Variants in PLAGL1 observed in about 807,000 individuals in gnomAD.
PLAGL1 encodes the protein PLAG1 like zinc finger 1, also known as zinc finger protein PLAGL1.
A neutral mutation model predicts 4.6 loss-of-function variants in PLAGL1; 1 was observed. The observed-to-expected ratio is 0.22, with a 90% confidence interval of 0.08 to 1.03. The LOEUF (loss-of-function observed/expected upper bound fraction) is 1.03. Ranked by LOEUF, PLAGL1 falls within the 50% of genes least tolerant of loss-of-function variation. PLAGL1 has a pLI of 0.58. For synonymous variants in PLAGL1, 240 were observed against 237.8 expected (o/e 1.01, Z -0.08); for missense variants, 464 against 570.4 (o/e 0.81, Z 1.90).
intron 2 of PLAGL1, among the ~76,000 whole-genome samples, chr6:143,976,818 T>C (rs1221265848): frequency 6.6e-6 from 1 of 152,168 alleles, no homozygotes; most frequent in African/African-American, 2.4e-5. Flanking sequence ...TGTTCAGACA[T>C]TTTGAAGATG....
At chr6:144,012,747 C>T (rs577606696), upstream of PLAGL1, among the ~76,000 whole-genome samples, 23 of 152,294 alleles carry the variant, frequency 1.5e-4, no homozygotes, top group South Asian at 3.5e-3. This position sits in a 1 kb window ranked among gnomAD's most constrained non-coding sequence, Gnocchi z 4.8. Context: ...CCCTCAATGA[C>T]GCATGCTTTG....
chr6:144,042,923 T>C (rs1424039350), intron 1 of PLAGL1, among the ~76,000 whole-genome samples: 1 of 152,198 alleles, frequency 6.6e-6, no homozygotes, highest in African/African-American at 2.4e-5. Flanking sequence ...GGTATTTTAT[T>C]CTTTTTGTAG....
At chr6:144,057,796 T>TA (rs1491425292) in intron 1 of PLAGL1, among the ~76,000 whole-genome samples, 3 of 134,192 alleles carry the variant, frequency 2.2e-5, no homozygotes, top group East Asian at 2.2e-4. Context: ...TTTTTTTTTT[T>TA]ACCTCTACAT....
chr6:144,001,303 A>G (rs1279313844), intron 1 of PLAGL1, among the ~76,000 whole-genome samples: 1 of 152,172 alleles, frequency 6.6e-6, no homozygotes, highest in Non-Finnish European at 1.5e-5. Flanking sequence ...AATAGCTCAA[A>G]GACTAAATAA....
intron 1 of PLAGL1, among the ~76,000 whole-genome samples, chr6:144,021,358 C>A (rs1313685545): frequency 6.6e-6 from 1 of 152,116 alleles, no homozygotes; most frequent in Non-Finnish European, 1.5e-5. Flanking sequence ...ACATTAACAT[C>A]TTTTTCAAAA....
At position 143,985,981 on chromosome 6, in the gene PLAGL1, A is replaced by ATT. The variant is rs1491207033; in HGVS notation, c.-583-809_-583-808dup. Among the ~76,000 whole-genome samples the ATT allele has an allele frequency of 4.5e-5, 2 of 44,200 alleles. No homozygotes were observed. Among genetic ancestry groups the ATT allele is most frequent in the East Asian group, 1.3e-3 (1 of 742 alleles). The allele number at this position is 44,200 out of a possible 152,430, so 29.0% of individuals were successfully genotyped here. On this transcript the variant is annotated intron_variant, in intron 1 of 7. Transcript: ENST00000674357. This position sits in a 1 kb window ranked among gnomAD's most constrained non-coding sequence, Gnocchi z 4.4. ...ATATATCAAATTATATATATATAAA[A>ATT]TTATATATATATATATATATATATA... is the stretch of plus-strand genomic sequence containing the variant.
At position 143,941,287 on chromosome 6, in the gene PLAGL1, TATC is replaced by T. The variant is rs552001777; in HGVS notation, c.*134_*136del. 3.7e-5 allele frequency: 23 copies of T among 618,150 alleles called. 1 individual carries two copies. The East Asian group carries it at 5.9e-4, about 16-fold the overall frequency. The allele number at this position is 618,150 out of a possible 1,614,324, so 38.3% of individuals were successfully genotyped here. On this transcript the variant is annotated 3_prime_UTR_variant, in exon 8 of 8. Coordinates refer to ENST00000674357, the MANE Select transcript of PLAGL1 (RefSeq NM_001317162.2). The surrounding 1 kb of genome is among the most constrained non-coding windows in gnomAD (Gnocchi z 6.0). The stretch of plus-strand genomic sequence containing the variant: ...AATACATGCAGTTCGAGAATTCTCT[TATC>T]ATCTCAAGCCAGTCATCACTGAATA...
upstream of PLAGL1, among the ~76,000 whole-genome samples, chr6:144,011,315 G>T (rs1795171268): frequency 6.6e-6 from 1 of 152,180 alleles, no homozygotes; most frequent in South Asian, 2.1e-4. The surrounding 1 kb of genome is among the most constrained non-coding windows in gnomAD (Gnocchi z 4.3). Context: ...CTTCTCAAAA[G>T]AAGACATTTA....
chr6:144,007,322 T>C (rs965620075), intron 1 of PLAGL1: 1 of 152,004 alleles, frequency 6.6e-6, no homozygotes. Flanking sequence ...GACCAGGACC[T>C]CAGTGAGGCC....
At position 144,042,029 on chromosome 6, in the gene PLAGL1, TG is replaced by T. The variant is rs558706662; in HGVS notation, c.-151+22438del. Among the ~76,000 whole-genome samples the T allele has an allele frequency of 6.8e-3, 1,032 of 152,334 alleles. 9 individuals are homozygous for T. Among genetic ancestry groups the T allele is most frequent in the South Asian group, 0.025 (121 of 4,828 alleles). ...TCCTTTGCCCACTTTTTGATGGGGT[TG>T]TTTTTTTCTTGTAAATTTGAGTTCT... On this transcript the variant is annotated intron_variant, in intron 1 of 3. Transcript: ENST00000437412.
chr6:143,978,891 T>C lies in PLAGL1; in HGVS notation c.-544+6244A>G, dbSNP rs1431828044. 6.6e-6 allele frequency among the ~76,000 whole-genome samples: 1 copy of C among 152,166 alleles called. No homozygotes were observed. The highest frequency in any genetic ancestry group is 1.5e-5 in the Non-Finnish European group (1 of 68,006). ...TTCCAACTACTTGATCTATTATCTA[T>C]TGAAGGAAGGGTGCTGAAATCTGAC... On this transcript the variant is annotated intron_variant, in intron 2 of 7. Coordinates refer to ENST00000674357, the MANE Select transcript of PLAGL1 (RefSeq NM_001317162.2). The surrounding 1 kb of genome is among the most constrained non-coding windows in gnomAD (Gnocchi z 4.6).
rs549510145 is a variant in PLAGL1, at chr6:144,050,861, C to T, written c.-151+13607G>A. 6.6e-6 allele frequency among the ~76,000 whole-genome samples: 1 copy of T among 152,302 alleles called. No individual in the cohort carries two copies. The highest frequency in any genetic ancestry group is 2.4e-5 in the African/African-American group (1 of 41,556). On this transcript the variant is annotated intron_variant, in intron 1 of 3. Coordinates refer to the PLAGL1 transcript ENST00000437412. The surrounding 1 kb of genome is among the most constrained non-coding windows in gnomAD (Gnocchi z 4.3). ...GTAGTAAACTACAATTGTGCCACCACACTCCAACCTAGGTGACAAAGCAAG... is the reference window on the plus strand; with the variant it reads ...GTAGTAAACTACAATTGTGCCACCATACTCCAACCTAGGTGACAAAGCAAG...
At chr6:144,047,154 G>A (rs931081095) in intron 1 of PLAGL1, among the ~76,000 whole-genome samples, 5 of 152,128 alleles carry the variant, frequency 3.3e-5, no homozygotes, top group African/African-American at 9.7e-5. Flanking sequence ...TGCACTTCCC[G>A]GGTGAGGCAA....
intron 1 of PLAGL1, among the ~76,000 whole-genome samples, chr6:144,049,626 TC>T (rs1178467957): frequency 6.6e-6 from 1 of 151,974 alleles, no homozygotes; most frequent in Non-Finnish European, 1.5e-5. Context: ...GAGAACTCAC[TC>T]ACTATCATGA....
rs1780463361 is a variant in PLAGL1 at position 143,949,124 on chromosome 6, G to A, written c.-324-664C>T. ...TCAGATTTGTAGGCACCATCCTCTA[G>A]TAAGTTCTACTAATCTCTTCCTTTT... On this transcript the variant is annotated intron_variant, in intron 6 of 7. Transcript: ENST00000674357. This position sits in a 1 kb window ranked among gnomAD's most constrained non-coding sequence, Gnocchi z 5.3. Among the ~76,000 whole-genome samples, 1 of 152,190 alleles carries A rather than the reference G, an allele frequency of 6.6e-6. No homozygotes were observed. The highest frequency in any genetic ancestry group is 2.1e-4 in the South Asian group (1 of 4,826).
rs554760560 is a variant in PLAGL1, at chr6:144,048,393, G to A, written c.-151+16075C>T. Among the ~76,000 whole-genome samples, 9 of 152,198 alleles carry A rather than the reference G, an allele frequency of 5.9e-5. No homozygotes were observed. Among genetic ancestry groups the A allele is most frequent in the South Asian group, 2.1e-4 (1 of 4,832 alleles). On this transcript the variant is annotated intron_variant, in intron 1 of 3. Transcript: ENST00000437412. This position sits in a 1 kb window ranked among gnomAD's most constrained non-coding sequence, Gnocchi z 4.8. Reference sequence around the variant, plus strand: ...ACCCCACATTTTCCTCCTGGACTACGCTAGCAGAGGTTCTCCATGAGAGCT... The same window carrying A: ...ACCCCACATTTTCCTCCTGGACTACACTAGCAGAGGTTCTCCATGAGAGCT...
rs1782596283 is a variant in PLAGL1, at chr6:143,958,295, C to T, written c.-325+2174G>A. On this transcript the variant is annotated intron_variant, in intron 6 of 7. Coordinates refer to ENST00000674357, the MANE Select transcript of PLAGL1 (RefSeq NM_001317162.2). The surrounding 1 kb of genome is among the most constrained non-coding windows in gnomAD (Gnocchi z 5.1). ...GAACAGCAGATTGAAAGGTACTGTT[C>T]TGAAATGCTAACTGGTTCTTTTTAC... 6.6e-6 allele frequency among the ~76,000 whole-genome samples: 1 copy of T among 152,220 alleles called. No homozygotes were observed. Among genetic ancestry groups the T allele is most frequent in the African/African-American group, 2.4e-5 (1 of 41,458 alleles).
rs548520907 is a variant in PLAGL1, at chr6:143,951,659, A to G, written c.-324-3199T>C. Among the ~76,000 whole-genome samples, 16 of 152,380 alleles carry G rather than the reference A, an allele frequency of 1.1e-4. No individual in the cohort carries two copies. In the South Asian group the frequency reaches 3.1e-3, roughly 30 times the overall value. ...ATCACCCATGCCTACATTTCCCCTG[A>G]GCCCTCAAAGATGAATGGGACAATC... On this transcript the variant is annotated intron_variant, in intron 6 of 7. Transcript: ENST00000674357.
Position 143,942,417 on chromosome 6 carries a change from C to T in PLAGL1, c.399G>A (p.Glu133=). 1.2e-6 allele frequency: 2 copies of T among 1,614,152 alleles called. No homozygotes were observed. Among genetic ancestry groups the T allele is most frequent in the Non-Finnish European group, 1.7e-6 (2 of 1,180,012 alleles). ...GVCALELGST[E]VLLDHLKAHA... ...GGGCTTTGAGGTGGTCCAGTAGCAC[C>T]TCGGTGCTCCCTAGCTCCAGGGCAC... The change falls in exon 8 of 8, where the codon GAG becomes GAA. Residue 133 remains glutamate, a synonymous_variant. Transcript: ENST00000674357. The surrounding 1 kb of genome is among the most constrained non-coding windows in gnomAD (Gnocchi z 7.6).
Sources: allele counts gnomAD v4.1 joint callset (sites outside exome capture counted in the v4.1 genomes callset), GRCh38; gene constraint gnomAD v4.1.1; non-coding constraint Gnocchi (gnomAD v3.1); transcripts MANE v1.5; gene names NCBI Gene and HGNC (gene_info 2026-07-23, HGNC 2026-07-21).